Variants in RAB7A observed in about 807,000 individuals in gnomAD.
RAB7A encodes the protein RAB7A, member RAS oncogene family.
A neutral mutation model predicts 24.5 loss-of-function variants in RAB7A; 2 were observed. The observed-to-expected ratio is 0.08, with a 90% CI of 0.03 to 0.26. The LOEUF (loss-of-function observed/expected upper bound fraction) is 0.26, where lower values mean the gene tolerates loss of function less well. Among genes scored for constraint, RAB7A ranks in the 10% least tolerant of loss-of-function variants. The pLI, the probability that RAB7A is intolerant of heterozygous loss-of-function variation, is 1.00. For missense variants in RAB7A, 118 were observed against 255.7 expected, an observed-to-expected ratio of 0.46 and a Z score of 3.67; for synonymous variants, 100 against 95.9, an observed-to-expected ratio of 1.04 and a Z score of -0.25.
intron 1 of RAB7A, among the ~76,000 whole-genome samples, chr3:128,728,925 G>C (rs77852225): frequency 0.023 from 3,445 of 152,190 alleles, 136 homozygotes; most frequent in African/African-American, 0.077. Context: ...ACTGGCCATA[G>C]TTTCAGTACC....
intron 1 of RAB7A, among the ~76,000 whole-genome samples, chr3:128,764,227 C>T (rs1317605110): frequency 1.3e-5 from 2 of 152,108 alleles, no homozygotes; most frequent in Non-Finnish European, 2.9e-5. Flanking sequence ...ATGAGTAGTG[C>T]AGTGACAGCC....
chr3:128,772,921 G>T (rs1356099681), intron 1 of RAB7A, among the ~76,000 whole-genome samples: 1 of 152,230 alleles, frequency 6.6e-6, no homozygotes, highest in Non-Finnish European at 1.5e-5. Context: ...GAGTGCAGTG[G>T]CGTGATCTCG....
chr3:128,735,393 A>C (rs2070481192), intron 1 of RAB7A, among the ~76,000 whole-genome samples: 1 of 152,230 alleles, frequency 6.6e-6, no homozygotes, highest in African/African-American at 2.4e-5. Context: ...TAGAGGATTT[A>C]AGTTCAACCA....
intron 1 of RAB7A, among the ~76,000 whole-genome samples, chr3:128,731,572 G>A (rs965934403): frequency 8.5e-5 from 13 of 152,172 alleles, no homozygotes; most frequent in Non-Finnish European, 1.3e-4. Context: ...GCCTGAAATA[G>A]CTGAGGCTGT....
rs554861818 is a variant in RAB7A, at chr3:128,766,797, C to T, written c.-8-28563C>T. ...TCAAGCAATCCACCCACCTCAGCCT[C>T]CCAAAGTGCTGGGATTACAGGCATG... On this transcript the variant is annotated intron_variant, in intron 1 of 5. Coordinates refer to ENST00000265062, the MANE Select transcript of RAB7A (RefSeq NM_004637.6). 4.6e-5 allele frequency among the ~76,000 whole-genome samples: 7 copies of T among 152,250 alleles called. No individual in the cohort carries two copies. In the South Asian group the frequency reaches 1.5e-3, roughly 32 times the overall value.
intron 5 of RAB7A, among the ~76,000 whole-genome samples, chr3:128,812,637 A>G (rs1933951332): frequency 6.6e-6 from 1 of 152,340 alleles, no homozygotes; most frequent in African/African-American, 2.4e-5. Flanking sequence ...GAAGCATGTT[A>G]CTTTAGCAAA....
intron 5 of RAB7A, among the ~76,000 whole-genome samples, chr3:128,811,563 GTCC>G (rs1933928385): frequency 6.6e-6 from 1 of 152,192 alleles, no homozygotes; most frequent in East Asian, 1.9e-4. Flanking sequence ...TCAGTGAAAT[GTCC>G]AGCCCGGATG....
chr3:128,740,370 A>C (rs1032454855), intron 1 of RAB7A, among the ~76,000 whole-genome samples: 1 of 152,230 alleles, frequency 6.6e-6, no homozygotes, highest in African/African-American at 2.4e-5. Flanking sequence ...ACAGAGAAAG[A>C]AAAGTATTTA....
rs570522911 is a variant in RAB7A, at chr3:128,795,329, C to T, written c.-8-31C>T. 1.5e-5 allele frequency: 24 copies of T among 1,579,328 alleles called. No homozygotes were observed. In the South Asian group the frequency reaches 2.5e-4, roughly 17 times the overall value. On this transcript the variant is annotated intron_variant, in intron 1 of 5. Coordinates refer to ENST00000265062, the MANE Select transcript of RAB7A (RefSeq NM_004637.6). ...GTTTTGTTTTGGTGTTTCCATCACACTCACAGTGATTTCTCCTTTTCCCCC... is the reference window on the plus strand; with the variant it reads ...GTTTTGTTTTGGTGTTTCCATCACATTCACAGTGATTTCTCCTTTTCCCCC...
rs538414785 is a variant in RAB7A, at chr3:128,761,270, A to G, written c.-8-34090A>G. ...ATGGGTTAGATTCCTGATCACCTCTAACCCCTTTTGTGTTGAGAGTTTCTT... is the reference window on the plus strand; with the variant it reads ...ATGGGTTAGATTCCTGATCACCTCTGACCCCTTTTGTGTTGAGAGTTTCTT... On this transcript the variant is annotated intron_variant, in intron 1 of 5. Coordinates refer to ENST00000265062, the MANE Select transcript of RAB7A (RefSeq NM_004637.6). Among the ~76,000 whole-genome samples, 5 of 152,274 alleles carry G rather than the reference A, an allele frequency of 3.3e-5. No homozygotes were observed. The South Asian group carries it at 1.0e-3, about 32-fold the overall frequency.
intron 1 of RAB7A, among the ~76,000 whole-genome samples, chr3:128,738,521 C>G (rs2070515398): frequency 6.6e-6 from 1 of 152,210 alleles, no homozygotes; most frequent in African/African-American, 2.4e-5. Flanking sequence ...TCTCTGTTTT[C>G]TAGCTCCAGT....
intron 1 of RAB7A, among the ~76,000 whole-genome samples, chr3:128,755,283 G>GA (rs1279015264): frequency 1.3e-5 from 2 of 150,976 alleles, no homozygotes; most frequent in South Asian, 2.1e-4. Context: ...AGGGCAATTA[G>GA]AAAAAAAAGG....
chr3:128,743,265 G>C (rs998853192), intron 1 of RAB7A, among the ~76,000 whole-genome samples: 3 of 152,214 alleles, frequency 2.0e-5, no homozygotes, highest in Non-Finnish European at 4.4e-5. Context: ...GCTGGTCCGC[G>C]AGTGCCGCGC....
At chr3:128,764,428 G>A in intron 1 of RAB7A, 3 of 741,348 alleles carry the variant, frequency 4.0e-6, no homozygotes, top group Non-Finnish European at 7.4e-6. Flanking sequence ...AGTGACCAGG[G>A]AATTCGCCCC....
intron 1 of RAB7A, among the ~76,000 whole-genome samples, chr3:128,778,765 A>G (rs1462416784): frequency 6.6e-6 from 1 of 152,232 alleles, no homozygotes; most frequent in Admixed American, 6.5e-5. Flanking sequence ...GAGGTAGGCA[A>G]CCAAGAAGTT....
intron 1 of RAB7A, among the ~76,000 whole-genome samples, chr3:128,746,622 A>G (rs2070618606): frequency 6.6e-6 from 1 of 151,768 alleles, no homozygotes; most frequent in South Asian, 2.1e-4. Flanking sequence ...TCCGCCTCCC[A>G]GGTTCATGCC....
intron 1 of RAB7A, among the ~76,000 whole-genome samples, chr3:128,743,279 G>T: frequency 6.6e-6 from 1 of 152,320 alleles, no homozygotes; most frequent in Non-Finnish European, 1.5e-5. Flanking sequence ...GCCGCGCGCA[G>T]CCCCAGTTTC....
chr3:128,792,450 A>G (rs1933475483), intron 1 of RAB7A, among the ~76,000 whole-genome samples: 1 of 151,864 alleles, frequency 6.6e-6, no homozygotes, highest in South Asian at 2.1e-4. Context: ...TCTGTCGCCC[A>G]GGCTGGAGTG....
chr3:128,802,393 G>A (rs1933718732), intron 3 of RAB7A, among the ~76,000 whole-genome samples: 1 of 152,210 alleles, frequency 6.6e-6, no homozygotes, highest in South Asian at 2.1e-4. Flanking sequence ...AGTGATATTA[G>A]TATAGTAATA....
Sources: gnomAD v4.1 joint callset for allele counts (sites outside exome capture counted in the v4.1 genomes callset) on GRCh38, gnomAD v4.1.1 for gene constraint, MANE v1.5 for transcripts, NCBI Gene and HGNC (gene_info 2026-07-23, HGNC 2026-07-21) for gene names.